Variants in CD36 observed in about 807,000 individuals in gnomAD.
CD36 encodes the protein CD36 molecule (CD36 blood group), also known as platelet glycoprotein 4.
A neutral mutation model predicts 55.2 loss-of-function variants in CD36; 119 were observed. The ratio of observed to expected loss-of-function variants is 2.15; its 90% CI spans 1.86 to 2.51. The LOEUF (loss-of-function observed/expected upper bound fraction) is 2.51, where lower values mean the gene tolerates loss of function less well. Ranked by LOEUF, CD36 falls within the 30% of genes most tolerant of loss-of-function variation. The probability of loss-of-function intolerance (pLI) is 0.00; values close to 1 mark genes in which losing one functional copy is unlikely to be tolerated. For synonymous variants in CD36, 186 were observed against 193.6 expected (o/e 0.96, Z 0.33); for missense variants, 819 against 555.5 (o/e 1.47, Z -4.77).
chr7:80,603,760 ACAGT>A (rs1200092962), intron 1 of CD36, among the ~76,000 whole-genome samples: 1 of 135,186 alleles, frequency 7.4e-6, no homozygotes, highest in East Asian at 2.5e-4. Flanking sequence ...CTCAAGAATT[ACAGT>A]CAGGCAAAAA....
At chr7:80,606,384 G>C (rs1160270729) in intron 1 of CD36, among the ~76,000 whole-genome samples, 3 of 152,062 alleles carry the variant, frequency 2.0e-5, no homozygotes, top group African/African-American at 7.2e-5. Flanking sequence ...ATATAGGACA[G>C]ATCCTCTACT....
chr7:80,670,521 G>T, intron 9 of CD36: 1 of 215,142 alleles, frequency 4.6e-6, no homozygotes, highest in Non-Finnish European at 9.4e-6. Context: ...CGTGTATCTG[G>T]GGATAAGAAA....
intron 3 of CD36, among the ~76,000 whole-genome samples, chr7:80,650,761 A>T (rs928119813): frequency 6.6e-6 from 1 of 152,116 alleles, no homozygotes; most frequent in African/African-American, 2.4e-5. Flanking sequence ...GTAGTCTAAA[A>T]CAGTTTAGCA....
upstream of CD36, chr7:80,638,432 A>T (rs1179640665): frequency 6.6e-6 from 1 of 151,148 alleles, no homozygotes; most frequent in Admixed American, 6.6e-5. Context: ...TATCTCAGAT[A>T]TAGGTAATGG....
intron 1 of CD36, among the ~76,000 whole-genome samples, chr7:80,642,063 A>G (rs917275552): frequency 1.1e-4 from 17 of 152,272 alleles, no homozygotes; most frequent in African/African-American, 4.1e-4. Flanking sequence ...ACAGAAGGCA[A>G]CTGAGCTGCC....
At chr7:80,654,971 T>C (rs1015318090) in intron 3 of CD36, among the ~76,000 whole-genome samples, 15 of 152,054 alleles carry the variant, frequency 9.9e-5, no homozygotes, top group African/African-American at 3.4e-4. Context: ...AATTCACTAC[T>C]GTTTGCCTAG....
In CD36 at chr7:80,623,058, A is replaced by C. The variant is rs189823353; in HGVS notation, c.-184+20679A>C. On this transcript the variant is annotated intron_variant, in intron 1 of 13. Coordinates refer to the CD36 transcript ENST00000309881. ...AAAAGTAGAGACTTATCTAGTAATA[A>C]TTCTAGCTGGTTCATAAATCTCTGA... 5.9e-5 allele frequency among the ~76,000 whole-genome samples: 9 copies of C among 151,334 alleles called. No individual in the cohort carries two copies. The East Asian group carries it at 1.7e-3, about 29-fold the overall frequency.
chr7:80,622,015 C>T (rs1331172214), intron 1 of CD36, among the ~76,000 whole-genome samples: 2 of 152,162 alleles, frequency 1.3e-5, no homozygotes, highest in East Asian at 1.9e-4. Context: ...TTCACACTGT[C>T]GTGCCCACCT....
chr7:80,630,357 G>C (rs1794006436), intron 1 of CD36, among the ~76,000 whole-genome samples: 1 of 151,936 alleles, frequency 6.6e-6, no homozygotes, highest in Admixed American at 6.6e-5. Flanking sequence ...GGAATTGTAT[G>C]AAGTTGATTT....
chr7:80,647,265 T>TGTGTGTGC (rs1249799229), intron 3 of CD36: 1 of 239,770 alleles, frequency 4.2e-6, no homozygotes, highest in East Asian at 1.0e-4. Flanking sequence ...AAACTGTGTG[T>TGTGTGTGC]GTGTGTGTGT....
At chr7:80,646,224 TA>T (rs1795155959) in intron 2 of CD36, 43 bp downstream of exon 2, 1 of 162,110 alleles carries the variant, frequency 6.2e-6, no homozygotes, top group Admixed American at 5.8e-5. Context: ...GCTTATCATT[TA>T]ATGGAAAACA....
chr7:80,637,150 T>C (rs1794475316), upstream of CD36: 1 of 152,124 alleles, frequency 6.6e-6, no homozygotes. Context: ...CTGAACCCTT[T>C]CGTTGGTAAT....
chr7:80,639,772 A>G (rs1449085833), intron 1 of CD36: 4 of 152,050 alleles, frequency 2.6e-5, no homozygotes, highest in East Asian at 1.9e-4. Context: ...TGTTTGTTAT[A>G]TAGAAAGTCC....
chr7:80,605,865 C>A (rs1355061185), intron 1 of CD36, among the ~76,000 whole-genome samples: 1 of 152,126 alleles, frequency 6.6e-6, no homozygotes, highest in Non-Finnish European at 1.5e-5. Flanking sequence ...CAAAGAATTA[C>A]AGTGCAGAAA....
In CD36 at chr7:80,669,991, G is replaced by C; in HGVS notation, c.787G>C (p.Val263Leu). ...TCCACCTTTTGTTGAGAAAAGCCAG[G>C]TATTGCAGTTCTTTTCTTCTGATAT... ...SFPPFVEKSQ[V>L]LQFFSSDICR... The change falls in exon 9 of 15, where the codon GTA (valine) becomes CTA (leucine). Residue 263 changes from valine to leucine, a missense_variant. Transcript: ENST00000447544. 1 of 1,611,764 alleles carries C rather than the reference G, an allele frequency of 6.2e-7. No homozygotes were observed. The highest frequency in any genetic ancestry group is 8.5e-7 in the Non-Finnish European group (1 of 1,178,186).
chr7:80,604,864 A>G (rs1020014467), intron 1 of CD36, among the ~76,000 whole-genome samples: 1 of 152,152 alleles, frequency 6.6e-6, no homozygotes, highest in African/African-American at 2.4e-5. Flanking sequence ...TATATTAGTC[A>G]TGTCATGTTT....
chr7:80,648,752 A>C (rs1795370062), intron 3 of CD36, among the ~76,000 whole-genome samples: 1 of 152,140 alleles, frequency 6.6e-6, no homozygotes. Context: ...CAGAGTATTC[A>C]AGAAACTTCA....
chr7:80,625,713 T>C (rs1016021546), intron 1 of CD36, among the ~76,000 whole-genome samples: 1 of 152,148 alleles, frequency 6.6e-6, no homozygotes, highest in Non-Finnish European at 1.5e-5. Flanking sequence ...ATTGAAGTGA[T>C]GTACTGTATA....
rs1214706981 is a variant in CD36 at position 80,674,118 on chromosome 7, T to C, written c.1390T>C (p.Cys464Arg). 2 of 1,612,350 alleles carry C rather than the reference T, an allele frequency of 1.2e-6. No homozygotes were observed. Among genetic ancestry groups the C allele is most frequent in the Non-Finnish European group, 1.7e-6 (2 of 1,178,884 alleles). ...GTTTGTTGCTTTTATGATTTCATATTGTGCATGCAGATCGAAAACAATAAA... is the reference window on the plus strand; with the variant it reads ...GTTTGTTGCTTTTATGATTTCATATCGTGCATGCAGATCGAAAACAATAAA... Reference protein sequence around the residue: ...VMFVAFMISYCACRSKTIK With the variant: ...VMFVAFMISYRACRSKTIK The change falls in exon 14 of 15, where the codon TGT (cysteine) becomes CGT (arginine). Residue 464 changes from cysteine to arginine, a missense_variant. Physicochemically the swap from Cys to Arg is radical, Grantham distance 180 (BLOSUM62 -3). Coordinates refer to ENST00000447544, the MANE Select transcript of CD36 (RefSeq NM_001001548.3).
Sources: gnomAD v4.1 joint callset for allele counts (sites outside exome capture counted in the v4.1 genomes callset) on GRCh38, gnomAD v4.1.1 for gene constraint, MANE v1.5 for transcripts, NCBI Gene and HGNC (gene_info 2026-07-23, HGNC 2026-07-21) for gene names.